The following SYNDIG1 variants were observed in gnomAD, a reference collection of about 807,000 sequenced individuals.
SYNDIG1 encodes the protein synapse differentiation inducing 1.
In SYNDIG1, 9 loss-of-function variants were observed where a neutral mutation model predicts 19.4. That is an observed-to-expected ratio of 0.46 (90% CI 0.28 to 0.81). The LOEUF (loss-of-function observed/expected upper bound fraction) is 0.81, where lower values mean the gene tolerates loss of function less well. SYNDIG1 is among the 30% of genes least tolerant of loss of function. The pLI is 0.12. For missense variants in SYNDIG1, 311 were observed against 343.3 expected, an observed-to-expected ratio of 0.91 and a Z score of 0.74; for synonymous variants, 141 against 145.9, an observed-to-expected ratio of 0.97 and a Z score of 0.24.
At chr20:24,585,118 CACTT>C in intron 3 of SYNDIG1, 125 bp downstream of exon 3, 1 of 1,296,506 alleles carries the variant, frequency 7.7e-7, no homozygotes, top group East Asian at 2.3e-5. Context: ...GCTGGGTCGG[CACTT>C]GCCCAGTTGG....
chr20:24,543,389 G>T lies in SYNDIG1; in HGVS notation c.292G>T (p.Val98Leu), dbSNP rs139628724. The T allele has an allele frequency of 6.2e-7, 1 of 1,613,546 alleles. No individual in the cohort carries two copies. Among genetic ancestry groups the T allele is most frequent in the African/African-American group, 1.3e-5 (1 of 74,908 alleles). The stretch of plus-strand genomic sequence containing the variant: ...CAACATCATCCTCTATTCAGAGGGC[G>T]TGCTGCGCTCCTGGGGGGACGGTGT... ...RPNIILYSEG[V>L]LRSWGDGVAA... is the part of the protein sequence containing the mutation. Residue 98 changes from valine to leucine, a missense_variant, in exon 2 of 4, where the codon GTG (valine) becomes TTG (leucine). Val to Leu is a conservative substitution (Grantham distance 32). Coordinates refer to ENST00000376862, the MANE Select transcript of SYNDIG1 (RefSeq NM_024893.3).
chr20:24,529,828 G>A (rs986181140), intron 1 of SYNDIG1, among the ~76,000 whole-genome samples: 1 of 151,372 alleles, frequency 6.6e-6, no homozygotes, highest in Non-Finnish European at 1.5e-5. Flanking sequence ...TCAGTGGTGG[G>A]GATGGTGACG....
chr20:24,644,424 G>A (rs1226003937), intron 3 of SYNDIG1, among the ~76,000 whole-genome samples: 1 of 152,318 alleles, frequency 6.6e-6, no homozygotes, highest in East Asian at 1.9e-4. Context: ...TTGACTTAGT[G>A]CTTTGCATAG....
intron 2 of SYNDIG1, among the ~76,000 whole-genome samples, chr20:24,584,157 G>A (rs1305864856): frequency 6.6e-6 from 1 of 152,140 alleles, no homozygotes; most frequent in Non-Finnish European, 1.5e-5. Flanking sequence ...CTGCCACCAG[G>A]CCACAGAGCA....
intron 3 of SYNDIG1, among the ~76,000 whole-genome samples, chr20:24,622,803 G>T (rs2059059212): frequency 6.6e-6 from 1 of 152,060 alleles, no homozygotes; most frequent in South Asian, 2.1e-4. Context: ...TCATGGCCAA[G>T]AATATTCCAA....
intron 3 of SYNDIG1, among the ~76,000 whole-genome samples, chr20:24,639,135 G>A (rs13040810): frequency 0.27 from 40,864 of 152,168 alleles, 6,228 homozygotes; most frequent in Middle Eastern, 0.37. Flanking sequence ...AGCCTAAAAT[G>A]TGGAGACAGG....
chr20:24,564,073 C>T (rs2057996212), intron 2 of SYNDIG1, among the ~76,000 whole-genome samples: 1 of 152,170 alleles, frequency 6.6e-6, no homozygotes. Context: ...ATTTCAGTAA[C>T]AAGGCCTTGA....
chr20:24,561,680 G>A (rs780032618), intron 2 of SYNDIG1, among the ~76,000 whole-genome samples: 40 of 152,164 alleles, frequency 2.6e-4, no homozygotes, highest in Non-Finnish European at 1.5e-5. Flanking sequence ...GGCTGTGTTT[G>A]TCAGTTTTGT....
At chr20:24,517,803 T>TA (rs1456148199) in intron 1 of SYNDIG1, among the ~76,000 whole-genome samples, 1 of 141,982 alleles carries the variant, frequency 7.0e-6, no homozygotes, top group African/African-American at 2.6e-5. Context: ...AAAAAATATT[T>TA]TTTATATATA....
intron 2 of SYNDIG1, among the ~76,000 whole-genome samples, chr20:24,583,185 T>C (rs927040244): frequency 2.0e-5 from 3 of 152,220 alleles, no homozygotes; most frequent in Non-Finnish European, 2.9e-5. Context: ...CCTGTGGGCC[T>C]TCCCAGCTTC....
In SYNDIG1 at chr20:24,587,690, C is replaced by T. The variant is rs143977976; in HGVS notation, c.618+2697C>T. Among the ~76,000 whole-genome samples the T allele has an allele frequency of 3.3e-5, 5 of 152,332 alleles. No homozygotes were observed. The East Asian group carries it at 7.7e-4, about 24-fold the overall frequency. ...GCCCAGGACTGGAGAGGGGGAAGCC[C>T]GGAGCCCTCTCTGCCGCAGTGGCCA... On this transcript the variant is annotated intron_variant, in intron 3 of 3. Coordinates refer to ENST00000376862, the MANE Select transcript of SYNDIG1 (RefSeq NM_024893.3).
At chr20:24,544,595 C>T (rs2057538071) in intron 2 of SYNDIG1, among the ~76,000 whole-genome samples, 1 of 152,010 alleles carries the variant, frequency 6.6e-6, no homozygotes, top group Non-Finnish European at 1.5e-5. Context: ...AGCTGAACTC[C>T]AAGCATGTAT....
chr20:24,574,011 C>T (rs1336193381), intron 2 of SYNDIG1, among the ~76,000 whole-genome samples: 1 of 152,174 alleles, frequency 6.6e-6, no homozygotes, highest in African/African-American at 2.4e-5. Context: ...TCAGTTTATT[C>T]CAGAGAGATA....
At chr20:24,600,967 G>A (rs1231979468) in intron 3 of SYNDIG1, among the ~76,000 whole-genome samples, 4 of 152,088 alleles carry the variant, frequency 2.6e-5, no homozygotes, top group Non-Finnish European at 5.9e-5. Flanking sequence ...CATCTGAATG[G>A]CACTCTTATC....
chr20:24,608,797 T>C (rs1026036697), intron 3 of SYNDIG1, among the ~76,000 whole-genome samples: 10 of 150,700 alleles, frequency 6.6e-5, no homozygotes, highest in African/African-American at 2.4e-4. Flanking sequence ...GAGAGAATCA[T>C]GTGAATGATA....
At chr20:24,578,552 T>A (rs73905116) in intron 2 of SYNDIG1, among the ~76,000 whole-genome samples, 5,931 of 150,316 alleles carry the variant, frequency 0.039, 355 homozygotes, top group African/African-American at 0.14. Flanking sequence ...CAGGCTGGGG[T>A]TAGAGGGGCT....
chr20:24,624,441 A>G (rs1055815994), intron 3 of SYNDIG1, among the ~76,000 whole-genome samples: 1 of 152,358 alleles, frequency 6.6e-6, no homozygotes, highest in African/African-American at 2.4e-5. Context: ...AACAAAGATT[A>G]TCATAGATAA....
intron 1 of SYNDIG1, among the ~76,000 whole-genome samples, chr20:24,473,106 A>T (rs2055517359): frequency 6.6e-6 from 1 of 151,888 alleles, no homozygotes; most frequent in Non-Finnish European, 1.5e-5. Flanking sequence ...AACAGATGTC[A>T]CATTATCAGC....
intron 3 of SYNDIG1, among the ~76,000 whole-genome samples, chr20:24,662,547 G>T (rs73100753): frequency 7.2e-4 from 109 of 152,220 alleles, no homozygotes; most frequent in Non-Finnish European, 1.2e-3. Context: ...GAGTCCTTGT[G>T]CCCTGGGCTG....
Sources: gnomAD v4.1 joint callset for allele counts (sites outside exome capture counted in the v4.1 genomes callset) on GRCh38, gnomAD v4.1.1 for gene constraint, MANE v1.5 for transcripts, NCBI Gene and HGNC (gene_info 2026-07-23, HGNC 2026-07-21) for gene names.